The following DRC5 variants were observed in gnomAD, a reference collection of about 807,000 sequenced individuals.
DRC5 encodes dynein regulatory complex subunit 5, also known as T-complex-associated testis-expressed protein 1.
At chr6:44,287,717 G>C in the DRC5 span, 1 of 1,614,210 alleles carries the variant, frequency 6.2e-7, no homozygotes, top group Non-Finnish European at 8.5e-7. Flanking sequence ...GGCTTTGAGA[G>C]CTGTGGGCTT....
chr6:44,282,214 C>G, the DRC5 span: 2 of 1,614,028 alleles, frequency 1.2e-6, no homozygotes, highest in African/African-American at 2.7e-5. Flanking sequence ...TCATTGCCAC[C>G]GAGGTGCAGC....
the DRC5 span, chr6:44,282,353 G>A: frequency 3.7e-6 from 6 of 1,614,190 alleles, no homozygotes; most frequent in Middle Eastern, 4.9e-4. Flanking sequence ...CCAGGGACTG[G>A]GCACCGGGTG....
At chr6:44,290,197 A>T in the DRC5 span, among the ~76,000 whole-genome samples, 1 of 151,836 alleles carries the variant, frequency 6.6e-6, no homozygotes, top group Non-Finnish European at 1.5e-5. Context: ...GTTGCTGCTT[A>T]GTGGTACCGG....
the DRC5 span, chr6:44,282,173 T>C: frequency 1.2e-6 from 2 of 1,614,058 alleles, no homozygotes; most frequent in Admixed American, 1.7e-5. Context: ...CGAGCACCTG[T>C]GACAGGAGTG....
At chr6:44,296,477 G>A in the DRC5 span, among the ~76,000 whole-genome samples, 1 of 152,216 alleles carries the variant, frequency 6.6e-6, no homozygotes, top group Non-Finnish European at 1.5e-5. Flanking sequence ...GAAGTCTCAG[G>A]TCTTCTCCAT....
At chr6:44,287,821 T>C in the DRC5 span, 1 of 1,612,490 alleles carries the variant, frequency 6.2e-7, no homozygotes, top group South Asian at 1.1e-5. Flanking sequence ...TACGGTATCC[T>C]GCATGCTGGA....
At chr6:44,291,764 G>C in the DRC5 span, among the ~76,000 whole-genome samples, 8 of 152,126 alleles carry the variant, frequency 5.3e-5, no homozygotes, top group Non-Finnish European at 1.0e-4. Flanking sequence ...GGTGAGGCTA[G>C]GGGGTGGTGG....
At chr6:44,281,560 T>C in the DRC5 span, among the ~76,000 whole-genome samples, 1 of 152,200 alleles carries the variant, frequency 6.6e-6, no homozygotes, top group African/African-American at 2.4e-5. Flanking sequence ...GATTTTTGTA[T>C]TTTTAGTAGA....
the DRC5 span, among the ~76,000 whole-genome samples, chr6:44,294,060 G>A: frequency 5.3e-4 from 81 of 151,648 alleles, no homozygotes; most frequent in East Asian, 0.013. Flanking sequence ...TCAGCTCACC[G>A]CAACCTCTGC....
chr6:44,294,790 A>AG, the DRC5 span, among the ~76,000 whole-genome samples: 68 of 150,182 alleles, frequency 4.5e-4, no homozygotes, highest in Non-Finnish European at 6.8e-4. Context: ...AAAAAAAAAA[A>AG]AAAGAAAGAA....
chr6:44,287,457 C>G, the DRC5 span: 3 of 1,342,652 alleles, frequency 2.2e-6, no homozygotes, highest in African/African-American at 1.5e-5. Flanking sequence ...GCCCCAGGAC[C>G]CAGCTTCTGC....
At chr6:44,295,151 A>G in the DRC5 span, among the ~76,000 whole-genome samples, 2 of 152,294 alleles carry the variant, frequency 1.3e-5, no homozygotes, top group South Asian at 4.1e-4. Context: ...TTTGAAGACT[A>G]GGAGCATGTT....
chr6:44,285,923 T>C, the DRC5 span: 2 of 1,536,080 alleles, frequency 1.3e-6, no homozygotes, highest in South Asian at 2.4e-5. Flanking sequence ...ATCTGAGAGA[T>C]GCTGAGAAGG....
chr6:44,286,600 G>C, the DRC5 span: 1 of 1,431,698 alleles, frequency 7.0e-7, no homozygotes, highest in Non-Finnish European at 9.5e-7. Context: ...GATGCCTCAG[G>C]CTGGGCCTGC....
chr6:44,297,286 C>G, the DRC5 span, among the ~76,000 whole-genome samples: 3 of 152,220 alleles, frequency 2.0e-5, no homozygotes, highest in Admixed American at 6.5e-5. Context: ...GACGGCCTTT[C>G]GGAGAAGCCT....
At chr6:44,287,789 G>T in the DRC5 span, 1 of 1,614,134 alleles carries the variant, frequency 6.2e-7, no homozygotes, top group Non-Finnish European at 8.5e-7. Flanking sequence ...GAGTGGCTGG[G>T]GTCCAACAAT....
At chr6:44,279,941 G>T in the DRC5 span, 2 of 397,194 alleles carry the variant, frequency 5.0e-6, no homozygotes, top group Non-Finnish European at 9.0e-6. Context: ...TCATTTGTGG[G>T]TGTCCAGTAA....
the DRC5 span, chr6:44,280,278 A>G: frequency 2.5e-6 from 4 of 1,614,198 alleles, no homozygotes; most frequent in Non-Finnish European, 3.4e-6. Context: ...GTTTGCGTAG[A>G]GGGCCTGGCC....
chr6:44,287,459 A>C, the DRC5 span: 6 of 1,357,450 alleles, frequency 4.4e-6, no homozygotes, highest in African/African-American at 8.7e-5. Flanking sequence ...CCCAGGACCC[A>C]GCTTCTGCAG....
Sources: gnomAD v4.1 joint callset for allele counts (sites outside exome capture counted in the v4.1 genomes callset) on GRCh38, gnomAD v4.1.1 for gene constraint, MANE v1.5 for transcripts, NCBI Gene and HGNC (gene_info 2026-07-23, HGNC 2026-07-21) for gene names.